MAML2: variants seen among roughly 807,000 people sequenced by gnomAD.
The protein encoded by MAML2 is mastermind-like protein 2.
Under a neutral mutation model 96.1 loss-of-function variants are expected in MAML2, and 22 were observed. That is an observed-to-expected ratio of 0.23 (90% CI 0.16 to 0.33). The LOEUF (loss-of-function observed/expected upper bound fraction) is 0.33. Among genes scored for constraint, MAML2 ranks in the 10% least tolerant of loss-of-function variants. MAML2 has a pLI of 1.00. For synonymous variants in MAML2, 561 were observed against 521.3 expected (o/e 1.08, Z -1.04); for missense variants, 1,367 against 1,392.4 (o/e 0.98, Z 0.29).
At chr11:96,218,109 C>T (rs34902663) in intron 1 of MAML2, among the ~76,000 whole-genome samples, 9,802 of 152,254 alleles carry the variant, frequency 0.064, 437 homozygotes, top group Non-Finnish European at 0.096. Context: ...TTGCTTTCTG[C>T]GTCGAGGTAC....
chr11:96,274,129 C>G (rs186491726), intron 1 of MAML2, among the ~76,000 whole-genome samples: 2 of 128,760 alleles, frequency 1.6e-5, no homozygotes, highest in East Asian at 5.0e-4. Flanking sequence ...GTAGCTCAGG[C>G]TGGAGTGCAG....
chr11:96,282,556 A>G (rs1334667167), intron 1 of MAML2, among the ~76,000 whole-genome samples: 1 of 152,194 alleles, frequency 6.6e-6, no homozygotes, highest in Admixed American at 6.5e-5. Flanking sequence ...GTTTGTTTAA[A>G]TTATCTCTCC....
intron 1 of MAML2, among the ~76,000 whole-genome samples, chr11:96,319,495 A>G (rs1253868316): frequency 6.6e-6 from 1 of 152,242 alleles, no homozygotes; most frequent in African/African-American, 2.4e-5. Flanking sequence ...TATCTTCTGA[A>G]CAAAAAGTCA....
intron 2 of MAML2, among the ~76,000 whole-genome samples, chr11:96,084,236 A>G (rs1004952071): frequency 6.6e-6 from 1 of 152,184 alleles, no homozygotes. Flanking sequence ...CAGATCATAC[A>G]GGGCTTTATA....
At chr11:96,277,390 C>T (rs1224829522) in intron 1 of MAML2, among the ~76,000 whole-genome samples, 1 of 152,140 alleles carries the variant, frequency 6.6e-6, no homozygotes, top group Non-Finnish European at 1.5e-5. Context: ...CATGTCTTCT[C>T]TTCCATTACT....
At chr11:96,204,434 T>C (rs185352559) in intron 1 of MAML2, among the ~76,000 whole-genome samples, 2 of 152,280 alleles carry the variant, frequency 1.3e-5, no homozygotes, top group African/African-American at 4.8e-5. Flanking sequence ...AACAGAAATT[T>C]GCAAAAGTGT....
intron 1 of MAML2, among the ~76,000 whole-genome samples, chr11:96,291,562 T>G (rs1863210357): frequency 6.6e-6 from 1 of 152,226 alleles, no homozygotes; most frequent in African/African-American, 2.4e-5. Flanking sequence ...TAGTGTATTC[T>G]TCTCTTCTCA....
intron 1 of MAML2, among the ~76,000 whole-genome samples, chr11:96,173,304 T>C (rs1861329449): frequency 6.6e-6 from 1 of 152,206 alleles, no homozygotes; most frequent in Admixed American, 6.5e-5. Flanking sequence ...AGAAAAAGCA[T>C]TCTAAACAAA....
At chr11:96,227,783 T>C (rs559715475) in intron 1 of MAML2, among the ~76,000 whole-genome samples, 3 of 152,372 alleles carry the variant, frequency 2.0e-5, no homozygotes, top group African/African-American at 7.2e-5. Flanking sequence ...TTATTATTTA[T>C]GTCTCTGTCG....
intron 1 of MAML2, among the ~76,000 whole-genome samples, chr11:96,125,582 C>T (rs888584640): frequency 3.9e-5 from 6 of 152,288 alleles, no homozygotes; most frequent in East Asian, 1.9e-4. Context: ...ACACATATTA[C>T]GAAATCCTAC....
intron 1 of MAML2, among the ~76,000 whole-genome samples, chr11:96,253,752 A>G (rs749637690): frequency 1.3e-5 from 2 of 152,230 alleles, no homozygotes; most frequent in Non-Finnish European, 2.9e-5. Flanking sequence ...GATTTAGGGT[A>G]TAATTCTCAG....
intron 1 of MAML2, among the ~76,000 whole-genome samples, chr11:96,184,104 G>A (rs969664110): frequency 8.1e-6 from 1 of 123,454 alleles, no homozygotes; most frequent in African/African-American, 2.6e-5. Context: ...TACATCTCTT[G>A]TCACTGGGTC....
intron 1 of MAML2, among the ~76,000 whole-genome samples, chr11:96,260,783 G>A (rs918915026): frequency 7.7e-5 from 11 of 142,850 alleles, no homozygotes; most frequent in Non-Finnish European, 1.7e-4. Context: ...TCAGTTTTCT[G>A]TTATTTGCAG....
At chr11:96,299,878 A>C (rs1863361958) in intron 1 of MAML2, among the ~76,000 whole-genome samples, 1 of 152,172 alleles carries the variant, frequency 6.6e-6, no homozygotes, top group Non-Finnish European at 1.5e-5. Context: ...ACTTCTGGGG[A>C]ATCAAAACCA....
At chr11:96,173,452 T>A (rs370124845) in intron 1 of MAML2, among the ~76,000 whole-genome samples, 8 of 152,126 alleles carry the variant, frequency 5.3e-5, no homozygotes, top group African/African-American at 1.9e-4. Flanking sequence ...ATCGGGTCCA[T>A]CCTGGAAAGA....
chr11:96,254,930 C>G (rs1372385260), intron 1 of MAML2, among the ~76,000 whole-genome samples: 2 of 152,194 alleles, frequency 1.3e-5, no homozygotes, highest in African/African-American at 2.4e-5. Flanking sequence ...ATTCTCTCAC[C>G]TCAGCCTCCC....
chr11:96,167,133 C>T (rs897156094), intron 1 of MAML2, among the ~76,000 whole-genome samples: 2 of 152,220 alleles, frequency 1.3e-5, no homozygotes, highest in Admixed American at 6.5e-5. Flanking sequence ...CCACCTCATA[C>T]TTCCCTTTCT....
intron 2 of MAML2, among the ~76,000 whole-genome samples, chr11:96,021,825 G>A (rs1393508518): frequency 6.6e-6 from 1 of 152,230 alleles, no homozygotes; most frequent in Non-Finnish European, 1.5e-5. Context: ...CAGAGGTTGT[G>A]AGGGTAATGC....
intron 1 of MAML2, among the ~76,000 whole-genome samples, chr11:96,110,703 T>A (rs950128608): frequency 6.6e-6 from 1 of 152,162 alleles, no homozygotes; most frequent in Non-Finnish European, 1.5e-5. Flanking sequence ...CAAAATCTTA[T>A]TTAAGGAACA....
Sources: gnomAD v4.1 joint callset for allele counts (sites outside exome capture counted in the v4.1 genomes callset) on GRCh38, gnomAD v4.1.1 for gene constraint, MANE v1.5 for transcripts, NCBI Gene and HGNC (gene_info 2026-07-23, HGNC 2026-07-21) for gene names.